Variants in PLD5 observed in about 807,000 individuals in gnomAD.
PLD5 encodes phospholipase D family member 5.
PLD5 carries 36 observed loss-of-function variants against 61.1 expected under a neutral mutation model. The ratio of observed to expected loss-of-function variants is 0.59; its 90% CI spans 0.45 to 0.78. The LOEUF is 0.78. PLD5 is among the 30% of genes least tolerant of loss of function. The pLI is 0.00. For missense variants in PLD5, 515 were observed against 644.4 expected (o/e 0.80, Z 2.17); for synonymous variants, 243 against 242.8 (o/e 1.00, Z -0.01).
At chr1:242,281,969 T>C (rs1008571357) in intron 3 of PLD5, among the ~76,000 whole-genome samples, 3 of 152,166 alleles carry the variant, frequency 2.0e-5, no homozygotes, top group African/African-American at 7.2e-5. Flanking sequence ...ACCCAGAGTC[T>C]CACGTTTGCA....
intron 1 of PLD5, among the ~76,000 whole-genome samples, chr1:242,467,682 C>T (rs899987300): frequency 2.6e-5 from 4 of 152,158 alleles, no homozygotes; most frequent in African/African-American, 4.8e-5. Context: ...CCAAGTTAAA[C>T]AGAACCGGCG....
intron 5 of PLD5, among the ~76,000 whole-genome samples, chr1:242,163,311 T>C (rs1171971672): frequency 6.6e-6 from 1 of 151,846 alleles, no homozygotes; most frequent in Admixed American, 6.6e-5. Flanking sequence ...GCCCGGCTAA[T>C]TTTTTGTATT....
intron 5 of PLD5, among the ~76,000 whole-genome samples, chr1:242,129,855 C>T (rs1663095664): frequency 6.6e-6 from 1 of 152,160 alleles, no homozygotes; most frequent in Admixed American, 6.5e-5. Context: ...CATGTGTACA[C>T]ACTATTTAGC....
intron 9 of PLD5, among the ~76,000 whole-genome samples, chr1:242,093,564 G>T (rs1454286689): frequency 6.6e-6 from 1 of 152,140 alleles, no homozygotes; most frequent in African/African-American, 2.4e-5. Context: ...TGTCCAAAGC[G>T]GGAATAGAAA....
At chr1:242,158,634 A>G (rs1216487291) in intron 5 of PLD5, among the ~76,000 whole-genome samples, 1 of 152,012 alleles carries the variant, frequency 6.6e-6, no homozygotes, top group East Asian at 1.9e-4. Context: ...CTCACCCTCC[A>G]TGGGCTGCAC....
At chr1:242,105,333 T>G (rs565522886) in intron 8 of PLD5, among the ~76,000 whole-genome samples, 2 of 152,080 alleles carry the variant, frequency 1.3e-5, no homozygotes, top group South Asian at 2.1e-4. Flanking sequence ...AGGTAATGCT[T>G]GTGCCTCAGC....
Position 242,256,323 on chromosome 1 carries a change from A to G in PLD5, c.607+9014T>C, listed in dbSNP as rs540544437. 2.1e-4 allele frequency among the ~76,000 whole-genome samples: 32 copies of G among 152,344 alleles called. 1 individual carries two copies. Among genetic ancestry groups the G allele is most frequent in the African/African-American group, 7.0e-4 (29 of 41,574 alleles). ...AAAAGATAGGGAAATCTAGAAATTTAATTTTAAAATCTCATGGGGAGAAAA... is the reference window on the plus strand; with the variant it reads ...AAAAGATAGGGAAATCTAGAAATTTGATTTTAAAATCTCATGGGGAGAAAA... On this transcript the variant is annotated intron_variant, in intron 4 of 9. Transcript: ENST00000536534. The surrounding 1 kb of genome is among the most constrained non-coding windows in gnomAD (Gnocchi z 5.7).
intron 1 of PLD5, among the ~76,000 whole-genome samples, chr1:242,457,684 C>T (rs1424778561): frequency 6.6e-6 from 1 of 152,106 alleles, no homozygotes; most frequent in Non-Finnish European, 1.5e-5. Flanking sequence ...AGAAAATGAC[C>T]ACGCTAACTC....
At chr1:242,338,932 AAC>A (rs1659680793) in intron 2 of PLD5, among the ~76,000 whole-genome samples, 2 of 152,314 alleles carry the variant, frequency 1.3e-5, no homozygotes, top group African/African-American at 4.8e-5. Flanking sequence ...AGTTATTATT[AAC>A]AGTTTATTCA....
chr1:242,528,380 T>C (rs921186432), upstream of PLD5, among the ~76,000 whole-genome samples: 4 of 152,204 alleles, frequency 2.6e-5, no homozygotes. Context: ...TTAGCAGCTA[T>C]ATCAATTAAT....
chr1:242,236,710 T>C (rs1671660508), intron 4 of PLD5, among the ~76,000 whole-genome samples: 2 of 152,318 alleles, frequency 1.3e-5, no homozygotes, highest in South Asian at 4.1e-4. Context: ...AAAGATACAA[T>C]ACCCTGGGGG....
chr1:242,482,632 C>T (rs756332332), intron 1 of PLD5, among the ~76,000 whole-genome samples: 1 of 152,192 alleles, frequency 6.6e-6, no homozygotes, highest in Non-Finnish European at 1.5e-5. Context: ...GGAAAACACT[C>T]TACAGGATAT....
chr1:242,434,828 T>A (rs1665910942), intron 1 of PLD5, among the ~76,000 whole-genome samples: 1 of 152,170 alleles, frequency 6.6e-6, no homozygotes, highest in South Asian at 2.1e-4. Flanking sequence ...TTAGCCAGGA[T>A]GGTCTTGATC....
intron 3 of PLD5, among the ~76,000 whole-genome samples, chr1:242,284,113 T>A (rs1411379986): frequency 1.5e-5 from 2 of 135,442 alleles, no homozygotes; most frequent in African/African-American, 5.6e-5. Context: ...AATCTTTTTC[T>A]TTTTCCTTTT....
At chr1:242,235,035 G>C (rs1184289392) in intron 4 of PLD5, among the ~76,000 whole-genome samples, 1 of 152,194 alleles carries the variant, frequency 6.6e-6, no homozygotes, top group Non-Finnish European at 1.5e-5. Context: ...ATGTTATAGA[G>C]TTTCGTGAGC....
intron 1 of PLD5, among the ~76,000 whole-genome samples, chr1:242,381,533 T>C (rs79411172): frequency 0.051 from 7,747 of 152,266 alleles, 280 homozygotes; most frequent in Non-Finnish European, 0.078. Flanking sequence ...ATCCTGGACA[T>C]GTACCCTGGA....
At chr1:242,472,846 G>C (rs2102951380) in intron 1 of PLD5, among the ~76,000 whole-genome samples, 1 of 152,202 alleles carries the variant, frequency 6.6e-6, no homozygotes, top group Non-Finnish European at 1.5e-5. Flanking sequence ...CCCATCAAAT[G>C]AACAATTTAC....
At chr1:242,172,664 C>T (rs1459215813) in intron 5 of PLD5, among the ~76,000 whole-genome samples, 1 of 151,938 alleles carries the variant, frequency 6.6e-6, no homozygotes, top group African/African-American at 2.4e-5. Flanking sequence ...AGAGAAGAAT[C>T]AAATAGACAC....
intron 5 of PLD5, among the ~76,000 whole-genome samples, chr1:242,159,308 A>G (rs1013351507): frequency 4.6e-5 from 7 of 152,120 alleles, no homozygotes; most frequent in Non-Finnish European, 8.8e-5. Context: ...TGAATCAAGG[A>G]TTTCAAATAA....
Sources: allele counts gnomAD v4.1 joint callset (sites outside exome capture counted in the v4.1 genomes callset), GRCh38; gene constraint gnomAD v4.1.1; non-coding constraint Gnocchi (gnomAD v3.1); transcripts MANE v1.5; gene names NCBI Gene and HGNC (gene_info 2026-07-23, HGNC 2026-07-21).